The following SH3GL2 variants were observed in gnomAD, a reference collection of about 807,000 sequenced individuals.
SH3GL2 encodes the protein SH3 domain containing GRB2 like 2, endophilin A1, also known as endophilin-A1.
Under a neutral mutation model 46.0 loss-of-function variants are expected in SH3GL2, and 24 were observed. That is an observed-to-expected ratio of 0.52 (90% CI 0.38 to 0.73). The LOEUF is 0.73. Among genes scored for constraint, SH3GL2 ranks in the 30% least tolerant of loss-of-function variants. The pLI is 0.00. For missense variants in SH3GL2, 413 were observed against 424.2 expected (o/e 0.97, Z 0.23); for synonymous variants, 196 against 147.1 (o/e 1.33, Z -2.40).
At chr9:17,760,762 G>C (rs149830024) in intron 2 of SH3GL2, among the ~76,000 whole-genome samples, 1 of 152,248 alleles carries the variant, frequency 6.6e-6, no homozygotes, top group African/African-American at 2.4e-5. Context: ...GGATTTCTTG[G>C]AGAAAGACAG....
intron 1 of SH3GL2, among the ~76,000 whole-genome samples, chr9:17,652,888 C>A (rs1036832427): frequency 6.6e-6 from 1 of 152,156 alleles, no homozygotes; most frequent in Non-Finnish European, 1.5e-5. Flanking sequence ...TTTTCAGGTA[C>A]ATATACCTCT....
chr9:17,704,407 C>A (rs1479611297), intron 1 of SH3GL2, among the ~76,000 whole-genome samples: 1 of 151,370 alleles, frequency 6.6e-6, no homozygotes, highest in Non-Finnish European at 1.5e-5. Context: ...ATCAAATTAC[C>A]AATGACATTC....
chr9:17,584,252 A>G (rs879698160), intron 1 of SH3GL2, among the ~76,000 whole-genome samples: 2 of 152,100 alleles, frequency 1.3e-5, no homozygotes, highest in Non-Finnish European at 1.5e-5. Context: ...TGTAATCCCA[A>G]CACTTTGGGA....
chr9:17,789,576 T>G (rs1824062292), intron 6 of SH3GL2, 26 bp downstream of exon 6: 2 of 1,612,080 alleles, frequency 1.2e-6, no homozygotes, highest in Non-Finnish European at 1.7e-6. Context: ...GGTTTTCAAT[T>G]TAATCTTATC....
At chr9:17,735,193 C>A (rs1268905930) in intron 1 of SH3GL2, among the ~76,000 whole-genome samples, 1 of 152,070 alleles carries the variant, frequency 6.6e-6, no homozygotes, top group Non-Finnish European at 1.5e-5. Flanking sequence ...TCCTAGAATC[C>A]TGGTATTCAC....
chr9:17,594,612 G>A (rs1241397715), intron 1 of SH3GL2, among the ~76,000 whole-genome samples: 2 of 151,908 alleles, frequency 1.3e-5, no homozygotes, highest in Admixed American at 6.6e-5. Flanking sequence ...AAACCTGCAC[G>A]TTCTGCACAT....
rs188404229 is a variant in SH3GL2, at chr9:17,794,317, A to C, written c.859+820A>C. Among the ~76,000 whole-genome samples the C allele has an allele frequency of 6.2e-4, 95 of 152,216 alleles. 1 individual carries two copies. Among genetic ancestry groups the C allele is most frequent in the African/African-American group, 2.1e-3 (89 of 41,542 alleles). ...GGTAGCTTTCTTTTATTTTTCCTGT[A>C]TCCCCAGTGCTTGATGTTCTACTGT... On this transcript the variant is annotated intron_variant, in intron 8 of 8. Transcript: ENST00000380607.
At chr9:17,726,801 C>A (rs758887351) in intron 1 of SH3GL2, among the ~76,000 whole-genome samples, 1 of 152,022 alleles carries the variant, frequency 6.6e-6, no homozygotes, top group East Asian at 1.9e-4. Flanking sequence ...AAAAGTCTGA[C>A]AAAGTATTGG....
chr9:17,581,157 G>A (rs758594338), intron 1 of SH3GL2, among the ~76,000 whole-genome samples: 4 of 152,196 alleles, frequency 2.6e-5, no homozygotes, highest in Non-Finnish European at 5.9e-5. Context: ...ATGCTGTGAA[G>A]AAGTTACCCA....
chr9:17,711,210 A>G (rs921554377), intron 1 of SH3GL2, among the ~76,000 whole-genome samples: 15 of 151,928 alleles, frequency 9.9e-5, no homozygotes, highest in Non-Finnish European at 2.2e-4. Context: ...TGTTACCACT[A>G]CTACCATTAG....
chr9:17,710,101 G>T (rs1247722872), intron 1 of SH3GL2, among the ~76,000 whole-genome samples: 4 of 151,888 alleles, frequency 2.6e-5, no homozygotes, highest in Non-Finnish European at 4.4e-5. Context: ...AACTGATATG[G>T]TTTGGCTGTG....
At chr9:17,588,538 C>T (rs937452063) in intron 1 of SH3GL2, among the ~76,000 whole-genome samples, 9 of 152,070 alleles carry the variant, frequency 5.9e-5, no homozygotes, top group Non-Finnish European at 8.8e-5. Flanking sequence ...GAGGGAGGGG[C>T]CATGTGAGTA....
chr9:17,736,119 A>G (rs1341033539), intron 1 of SH3GL2, among the ~76,000 whole-genome samples: 5 of 152,116 alleles, frequency 3.3e-5, no homozygotes, highest in African/African-American at 9.7e-5. Flanking sequence ...CTTCTTAAGC[A>G]ATGATGAGCT....
intron 1 of SH3GL2, among the ~76,000 whole-genome samples, chr9:17,676,191 A>C (rs1362632956): frequency 6.6e-6 from 1 of 152,194 alleles, no homozygotes; most frequent in Non-Finnish European, 1.5e-5. Flanking sequence ...GTTAATCTTA[A>C]TATCTAATCT....
At chr9:17,628,980 CTTTT>C (rs5896753) in intron 1 of SH3GL2, among the ~76,000 whole-genome samples, 3 of 145,822 alleles carry the variant, frequency 2.1e-5, no homozygotes, top group African/African-American at 7.5e-5. Context: ...ATTAAATTAC[CTTTT>C]TTTTTTTTTG....
chr9:17,745,395 A>C (rs1382955378), intron 1 of SH3GL2, among the ~76,000 whole-genome samples: 2 of 152,192 alleles, frequency 1.3e-5, no homozygotes, highest in Non-Finnish European at 2.9e-5. Flanking sequence ...TTTATTGTAT[A>C]CCATGTAGGT....
intron 1 of SH3GL2, among the ~76,000 whole-genome samples, chr9:17,654,247 C>G (rs371679765): frequency 1.1e-4 from 17 of 152,224 alleles, no homozygotes; most frequent in East Asian, 3.8e-4. Flanking sequence ...ATCATCCTTT[C>G]TCTGTCTATG....
At position 17,667,660 on chromosome 9, in the gene SH3GL2, T is replaced by C. The variant is rs190540248; in HGVS notation, c.46-79406T>C. Among the ~76,000 whole-genome samples the C allele has an allele frequency of 4.6e-5, 7 of 152,322 alleles. No homozygotes were observed. In the East Asian group the frequency reaches 1.3e-3, roughly 29 times the overall value. The stretch of plus-strand genomic sequence containing the variant: ...TTTTGTGGGACAAAATTTTCTTTTT[T>C]TTGCATATACCTTGAGGTGGAACTA... On this transcript the variant is annotated intron_variant, in intron 1 of 8. Transcript: ENST00000380607.
At chr9:17,619,887 A>C (rs1279940672) in intron 1 of SH3GL2, among the ~76,000 whole-genome samples, 2 of 152,172 alleles carry the variant, frequency 1.3e-5, no homozygotes, top group Non-Finnish European at 2.9e-5. Flanking sequence ...TGTGAAATGT[A>C]CCAGTTTATT....
Sources: gnomAD v4.1 joint callset for allele counts (sites outside exome capture counted in the v4.1 genomes callset) on GRCh38, gnomAD v4.1.1 for gene constraint, MANE v1.5 for transcripts, NCBI Gene and HGNC (gene_info 2026-07-23, HGNC 2026-07-21) for gene names.